Variants in SIL1 observed in about 807,000 individuals in gnomAD.
The protein encoded by SIL1 is SIL1 nucleotide exchange factor.
SIL1 carries 40 observed loss-of-function variants against 49.1 expected under a neutral mutation model. The observed-to-expected ratio is 0.81, with a 90% CI of 0.63 to 1.06. The LOEUF (loss-of-function observed/expected upper bound fraction) is 1.06. SIL1 is among the 50% of genes least tolerant of loss of function. The pLI is 0.00. For synonymous variants in SIL1, 253 were observed against 250.8 expected (o/e 1.01, Z -0.08); for missense variants, 500 against 572.6 (o/e 0.87, Z 1.29).
chr5:139,134,325 G>C (rs956705811), intron 1 of SIL1, among the ~76,000 whole-genome samples: 7 of 152,040 alleles, frequency 4.6e-5, no homozygotes, highest in Admixed American at 1.3e-4. Context: ...TTGTAGAGAT[G>C]GGGTTTCACC....
intron 3 of SIL1, among the ~76,000 whole-genome samples, chr5:139,055,514 G>A (rs1257560888): frequency 1.3e-5 from 2 of 152,004 alleles, no homozygotes; most frequent in African/African-American, 4.8e-5. Flanking sequence ...TAGCAAATGG[G>A]CCGCAAACAG....
intron 3 of SIL1, among the ~76,000 whole-genome samples, chr5:139,099,276 T>C (rs1336103348): frequency 6.6e-6 from 1 of 152,124 alleles, no homozygotes; most frequent in African/African-American, 2.4e-5. Context: ...AAACAGGCAA[T>C]AGCAAATGCT....
At chr5:139,135,661 C>T (rs531136979) in intron 1 of SIL1, among the ~76,000 whole-genome samples, 1 of 150,744 alleles carries the variant, frequency 6.6e-6, no homozygotes, top group East Asian at 2.0e-4. Context: ...CATTCCCACT[C>T]CAGTAGAGAA....
At chr5:139,125,310 A>C in intron 2 of SIL1, among the ~76,000 whole-genome samples, 1 of 152,206 alleles carries the variant, frequency 6.6e-6, no homozygotes, top group East Asian at 1.9e-4. Context: ...ATTTCCTCTC[A>C]AGTGACTGGC....
At chr5:139,028,152 C>T (rs555041178) in intron 5 of SIL1, among the ~76,000 whole-genome samples, 11 of 151,478 alleles carry the variant, frequency 7.3e-5, no homozygotes, top group African/African-American at 2.2e-4. Flanking sequence ...AAACTAGTGA[C>T]ATCTGTCTCA....
chr5:138,980,436 C>A (rs532641408), intron 7 of SIL1, among the ~76,000 whole-genome samples: 1 of 152,200 alleles, frequency 6.6e-6, no homozygotes, highest in South Asian at 2.1e-4. Context: ...AGTCCCATGG[C>A]AGGGAAGGAG....
intron 3 of SIL1, among the ~76,000 whole-genome samples, chr5:139,084,646 A>AG (rs1339619909): frequency 1.2e-4 from 14 of 112,186 alleles, no homozygotes; most frequent in Middle Eastern, 4.1e-3. Context: ...GGGTCGGGGG[A>AG]GGGGGGAGGG....
intron 7 of SIL1, among the ~76,000 whole-genome samples, chr5:138,964,540 AC>A (rs1767092866): frequency 6.6e-6 from 1 of 152,206 alleles, no homozygotes. Context: ...GTTAAGAATC[AC>A]CTTCCACAGA....
At chr5:139,050,210 A>G (rs1769256970) in intron 4 of SIL1, among the ~76,000 whole-genome samples, 1 of 152,178 alleles carries the variant, frequency 6.6e-6, no homozygotes, top group Non-Finnish European at 1.5e-5. Flanking sequence ...ACAGGCCATA[A>G]TTTGCTGGTC....
chr5:139,011,580 T>C (rs1768273033), intron 7 of SIL1, among the ~76,000 whole-genome samples: 1 of 152,066 alleles, frequency 6.6e-6, no homozygotes, highest in South Asian at 2.1e-4. Context: ...GTGATCCTCC[T>C]GCCTCAGCCT....
At chr5:138,956,160 T>C (rs1267434133) in intron 7 of SIL1, among the ~76,000 whole-genome samples, 2 of 152,198 alleles carry the variant, frequency 1.3e-5, no homozygotes, top group Non-Finnish European at 2.9e-5. Flanking sequence ...ATTATTTTTC[T>C]TCTGAAATGC....
At chr5:139,082,673 C>A (rs1235442916) in intron 3 of SIL1, among the ~76,000 whole-genome samples, 3 of 152,190 alleles carry the variant, frequency 2.0e-5, no homozygotes, top group African/African-American at 7.2e-5. Context: ...AGGCAGCAAT[C>A]CACACTTCAA....
At chr5:139,167,058 C>T (rs978490757) in intron 1 of SIL1, among the ~76,000 whole-genome samples, 6 of 152,194 alleles carry the variant, frequency 3.9e-5, no homozygotes, top group African/African-American at 1.2e-4. Context: ...GTGATCCACC[C>T]GCCTCAGCCT....
At chr5:138,983,999 G>A (rs150546788) in intron 7 of SIL1, among the ~76,000 whole-genome samples, 7 of 152,284 alleles carry the variant, frequency 4.6e-5, no homozygotes, top group African/African-American at 1.7e-4. Flanking sequence ...TGTCACACTG[G>A]GCTATGTCGG....
intron 7 of SIL1, among the ~76,000 whole-genome samples, chr5:138,976,279 G>C (rs749256971): frequency 6.6e-6 from 1 of 151,672 alleles, no homozygotes; most frequent in Non-Finnish European, 1.5e-5. Flanking sequence ...CTATGTGCCC[G>C]GTGCATGCTC....
chr5:139,168,539 G>A (rs971406781), intron 1 of SIL1, among the ~76,000 whole-genome samples: 2 of 152,156 alleles, frequency 1.3e-5, no homozygotes, highest in African/African-American at 4.8e-5. Flanking sequence ...TAGTAGCAGA[G>A]ATTGTTGTTG....
At position 139,137,503 on chromosome 5, in the gene SIL1, T is replaced by C. The variant is rs183974470; in HGVS notation, c.-10-9650A>G. On this transcript the variant is annotated intron_variant, in intron 1 of 9. Transcript: ENST00000394817. Reference sequence around the variant, plus strand: ...CAACAGTATAAATAAAAAGGCACATTTTGTGTCAGGACAGAAATTTTTTTT... The same window carrying C: ...CAACAGTATAAATAAAAAGGCACATCTTGTGTCAGGACAGAAATTTTTTTT... 382 of 528,534 alleles carry C rather than the reference T, an allele frequency of 7.2e-4. 2 individuals are homozygous for C. Among genetic ancestry groups the C allele is most frequent in the Admixed American group, 1.7e-3 (50 of 28,690 alleles). 32.7% of individuals were successfully genotyped at this position (528,534 alleles called of 1,614,324 possible). A position where few individuals can be genotyped will look rare whatever the true frequency, so the allele number is the denominator to read the frequency against.
chr5:139,042,805 A>G (rs1769075798), intron 4 of SIL1, 86 bp from the exon 5 acceptor site: 3 of 1,178,728 alleles, frequency 2.5e-6, no homozygotes, highest in Non-Finnish European at 3.8e-6. Context: ...TGGGTGGCCA[A>G]GATGGAAGGA....
Position 139,051,026 on chromosome 5 carries a change from A to G in SIL1, c.265T>C (p.Ser89Pro). Residue 89 changes from serine to proline, a missense_variant, in exon 4 of 10, where the codon TCC becomes CCC. Physicochemically the swap from Ser to Pro is moderately conservative, Grantham distance 74 (BLOSUM62 -1). Coordinates refer to ENST00000394817, the MANE Select transcript of SIL1 (RefSeq NM_022464.5). Reference protein sequence around the residue: ...LQPGQAVPAGSHVRLNLQTGE... With the variant: ...LQPGQAVPAGPHVRLNLQTGE... ...GTCTGAAGATTCAGCCGTACGTGGG[A>G]TCCTGCAGGGACAGCCTGCCCTAAA... 6.2e-7 allele frequency: 1 copy of G among 1,614,092 alleles called. No homozygotes were observed. Among genetic ancestry groups the G allele is most frequent in the Non-Finnish European group, 8.5e-7 (1 of 1,179,998 alleles).
Sources: allele counts gnomAD v4.1 joint callset (sites outside exome capture counted in the v4.1 genomes callset), GRCh38; gene constraint gnomAD v4.1.1; transcripts MANE v1.5; gene names NCBI Gene and HGNC (gene_info 2026-07-23, HGNC 2026-07-21).